Variants in TNKS observed in about 807,000 individuals in gnomAD.
The protein encoded by TNKS is tankyrase.
TNKS carries 72 observed loss-of-function variants against 135.8 expected under a neutral mutation model. That is an observed-to-expected ratio of 0.53 (90% CI 0.44 to 0.64). TNKS has a LOEUF of 0.64. Ranked by LOEUF, TNKS falls within the 30% of genes least tolerant of loss-of-function variation. The pLI is 0.00. For synonymous variants in TNKS, 849 were observed against 649.3 expected (o/e 1.31, Z -4.68); for missense variants, 1,769 against 1,674.0 (o/e 1.06, Z -0.99).
chr8:9,780,934 T>C lies in TNKS; in HGVS notation c.*4198T>C, dbSNP rs1808434323. 6.6e-6 allele frequency: 1 copy of C among 152,250 alleles called. No individual in the cohort carries two copies. The highest frequency in any genetic ancestry group is 2.4e-5 in the African/African-American group (1 of 41,470). 9.4% of individuals were successfully genotyped at this position (152,250 alleles called of 1,614,324 possible). On this transcript the variant is annotated 3_prime_UTR_variant, in exon 27 of 27. Transcript: ENST00000310430. ...AAAGATTTCAAAGCCTATTCAGTTGTGTATGTGGGGATACGACAGCAACTG... is the reference window on the plus strand; with the variant it reads ...AAAGATTTCAAAGCCTATTCAGTTGCGTATGTGGGGATACGACAGCAACTG...
intron 5 of TNKS, among the ~76,000 whole-genome samples, chr8:9,698,576 G>T (rs1402108111): frequency 6.6e-6 from 1 of 152,056 alleles, no homozygotes; most frequent in African/African-American, 2.4e-5. Flanking sequence ...ACGCAGAGAC[G>T]TTAATAAATT....
rs1220989343 is a variant in TNKS, at chr8:9,556,144, G to C, written c.205G>C (p.Asp69His). 6.2e-7 allele frequency: 1 copy of C among 1,608,006 alleles called. No individual in the cohort carries two copies. Among genetic ancestry groups the C allele is most frequent in the East Asian group, 2.2e-5 (1 of 44,768 alleles). ...GCACGGCCTAGCGCTGCCGGAGGGG[G>C]ATGGCAGTCGGGATCCGCCCGACAG... Reference protein sequence around the residue: ...PRHGLALPEGDGSRDPPDRPR... With the variant: ...PRHGLALPEGHGSRDPPDRPR... The change falls in exon 1 of 27, where the codon GAT becomes CAT. Residue 69 changes from aspartate to histidine, a missense_variant. Coordinates refer to ENST00000310430, the MANE Select transcript of TNKS (RefSeq NM_003747.3).
chr8:9,579,661 G>A (rs1798094174), intron 1 of TNKS, among the ~76,000 whole-genome samples: 2 of 152,082 alleles, frequency 1.3e-5, no homozygotes, highest in African/African-American at 4.8e-5. Context: ...TAGAGACGGG[G>A]TATCACCATG....
At chr8:9,561,868 G>A (rs572909992) in intron 1 of TNKS, among the ~76,000 whole-genome samples, 30 of 152,222 alleles carry the variant, frequency 2.0e-4, no homozygotes, top group Middle Eastern at 3.4e-3. Flanking sequence ...CCAGGCTGTC[G>A]TATAATGGTG....
chr8:9,732,102 TTA>T (rs1805475997), intron 14 of TNKS, among the ~76,000 whole-genome samples: 1 of 152,222 alleles, frequency 6.6e-6, no homozygotes, highest in Admixed American at 6.5e-5. Context: ...ATGAATGTTT[TTA>T]TATAGTCTGT....
At chr8:9,655,466 G>A (rs954896638) in intron 3 of TNKS, among the ~76,000 whole-genome samples, 25 of 152,296 alleles carry the variant, frequency 1.6e-4, no homozygotes, top group African/African-American at 4.8e-4. Context: ...CCTGACCCCC[G>A]AGTAGCCTAA....
intron 3 of TNKS, among the ~76,000 whole-genome samples, chr8:9,640,244 C>G (rs1800674566): frequency 6.6e-6 from 1 of 152,066 alleles, no homozygotes; most frequent in Non-Finnish European, 1.5e-5. Context: ...AGTCCAATAT[C>G]AAGGAGCCAG....
intron 20 of TNKS, among the ~76,000 whole-genome samples, chr8:9,758,645 A>G (rs999410037): frequency 2.0e-5 from 3 of 152,168 alleles, no homozygotes; most frequent in Admixed American, 6.5e-5. Flanking sequence ...TAAACTGTCC[A>G]ACAGGTCTGC....
intron 2 of TNKS, among the ~76,000 whole-genome samples, chr8:9,596,205 T>G (rs774986871): frequency 7.9e-5 from 12 of 152,190 alleles, no homozygotes; most frequent in Non-Finnish European, 1.2e-4. Context: ...TGTATGAAAA[T>G]GGTATTTGAG....
chr8:9,575,703 A>G (rs1425516879), intron 1 of TNKS, among the ~76,000 whole-genome samples: 2 of 152,204 alleles, frequency 1.3e-5, no homozygotes, highest in East Asian at 1.9e-4. Context: ...GAAAAAGACA[A>G]ATAGCCCAAA....
chr8:9,623,220 A>G (rs1188838389), intron 3 of TNKS, among the ~76,000 whole-genome samples: 4 of 152,202 alleles, frequency 2.6e-5, no homozygotes, highest in Non-Finnish European at 5.9e-5. Context: ...GTTGATGAAC[A>G]TTCATTTGAA....
intron 1 of TNKS, among the ~76,000 whole-genome samples, chr8:9,573,150 A>G (rs1327592419): frequency 2.6e-5 from 4 of 152,136 alleles, no homozygotes; most frequent in Admixed American, 6.5e-5. Flanking sequence ...ATCTTTCCCA[A>G]CTCAGCTTCT....
At chr8:9,599,300 T>C (rs932734586) in intron 2 of TNKS, among the ~76,000 whole-genome samples, 8 of 152,198 alleles carry the variant, frequency 5.3e-5, no homozygotes, top group African/African-American at 1.4e-4. Flanking sequence ...AAGATTCTCA[T>C]TGGGATACGA....
chr8:9,598,713 GTGTGTGTGTGTGTGTGTGTGTC>G (rs1798887073), intron 2 of TNKS, among the ~76,000 whole-genome samples: 3 of 128,092 alleles, frequency 2.3e-5, no homozygotes, highest in Admixed American at 8.5e-5. Context: ...ATATGTGTGT[GTGTGTGTGTGTGTGTGTGTGTC>G]TGTGTGTGTA....
rs550626471 is a variant in TNKS, at chr8:9,636,961, T to C, written c.994+21284T>C. On this transcript the variant is annotated intron_variant, in intron 3 of 26. Coordinates refer to ENST00000310430, the MANE Select transcript of TNKS (RefSeq NM_003747.3). ...TACCTTAATATTGTATGTTTGATCATTAGCCTCTTGACAGTTTTAAAATTG... is the reference window on the plus strand; with the variant it reads ...TACCTTAATATTGTATGTTTGATCACTAGCCTCTTGACAGTTTTAAAATTG... Among the ~76,000 whole-genome samples, 8 of 152,350 alleles carry C rather than the reference T, an allele frequency of 5.3e-5. No homozygotes were observed. The East Asian group carries it at 1.5e-3, about 29-fold the overall frequency.
chr8:9,609,596 C>T (rs10903314), intron 2 of TNKS, among the ~76,000 whole-genome samples: 43,741 of 151,980 alleles, frequency 0.29, 6,589 homozygotes, highest in East Asian at 0.39. Context: ...CTTCCATACA[C>T]GTTTACCCTC....
intron 17 of TNKS, among the ~76,000 whole-genome samples, chr8:9,742,547 C>T (rs761769685): frequency 2.0e-4 from 30 of 151,686 alleles, no homozygotes; most frequent in Non-Finnish European, 3.1e-4. Context: ...TAGTATTTCT[C>T]TTAATCTCAA....
At chr8:9,743,925 T>C (rs1029446748) in intron 17 of TNKS, among the ~76,000 whole-genome samples, 1 of 152,210 alleles carries the variant, frequency 6.6e-6, no homozygotes, top group Admixed American at 6.5e-5. Flanking sequence ...AGGCTGAGGA[T>C]GAAATAATAA....
At chr8:9,725,262 C>G (rs944083420) in intron 12 of TNKS, among the ~76,000 whole-genome samples, 6 of 152,158 alleles carry the variant, frequency 3.9e-5, no homozygotes, top group African/African-American at 1.4e-4. Context: ...TTGGAATGCT[C>G]TCTGTGTGAA....
Sources: gnomAD v4.1 joint callset for allele counts (sites outside exome capture counted in the v4.1 genomes callset) on GRCh38, gnomAD v4.1.1 for gene constraint, MANE v1.5 for transcripts, NCBI Gene and HGNC (gene_info 2026-07-23, HGNC 2026-07-21) for gene names.